Variants in NCOA2 observed in about 807,000 individuals in gnomAD.
NCOA2 encodes nuclear receptor coactivator 2, also known as class E basic helix-loop-helix protein 75.
Under a neutral mutation model 145.1 loss-of-function variants are expected in NCOA2, and 21 were observed. The ratio of observed to expected loss-of-function variants is 0.14; its 90% CI spans 0.10 to 0.21. The LOEUF is 0.21. Ranked by LOEUF, NCOA2 falls within the 10% of genes least tolerant of loss-of-function variation. The pLI is 1.00. For missense variants in NCOA2, 1,472 were observed against 1,837.6 expected (o/e 0.80, Z 3.64); for synonymous variants, 619 against 637.5 (o/e 0.97, Z 0.44).
intron 13 of NCOA2, 22 bp downstream of exon 13, chr8:70,144,620 A>T: frequency 1.3e-6 from 2 of 1,583,380 alleles, no homozygotes; most frequent in Non-Finnish European, 1.7e-6. Flanking sequence ...CCAATAAAGT[A>T]ACAGTGCATT....
intron 9 of NCOA2, 70 bp from the exon 10 acceptor site, chr8:70,159,722 T>G (rs561366894): frequency 7.5e-7 from 1 of 1,341,116 alleles, no homozygotes; most frequent in South Asian, 1.4e-5. Flanking sequence ...GGACAAGACA[T>G]AATAAGAGTA....
intron 13 of NCOA2, among the ~76,000 whole-genome samples, chr8:70,142,727 G>T (rs1810584318): frequency 6.6e-6 from 1 of 151,922 alleles, no homozygotes; most frequent in East Asian, 1.9e-4. Context: ...AAAGTTAGAA[G>T]GGTATTCTAT....
chr8:70,234,122 T>G (rs954759199), intron 2 of NCOA2, among the ~76,000 whole-genome samples: 10 of 152,230 alleles, frequency 6.6e-5, no homozygotes, highest in African/African-American at 2.4e-4. Context: ...ATATGTGACC[T>G]TCTATGTCTC....
At chr8:70,146,175 G>C (rs977489119) in intron 12 of NCOA2, among the ~76,000 whole-genome samples, 4 of 152,192 alleles carry the variant, frequency 2.6e-5, no homozygotes. Context: ...AAAATTTTAA[G>C]TGTGAACTCT....
At chr8:70,307,208 T>C (rs1464874778) in intron 1 of NCOA2, among the ~76,000 whole-genome samples, 1 of 116,184 alleles carries the variant, frequency 8.6e-6, no homozygotes, top group Non-Finnish European at 1.7e-5. Context: ...TTGGCTGTTG[T>C]ACCTACATAA....
chr8:70,155,628 G>A (rs774109412), intron 11 of NCOA2, among the ~76,000 whole-genome samples: 7 of 152,220 alleles, frequency 4.6e-5, no homozygotes, highest in Middle Eastern at 3.4e-3. Context: ...ATGTTTTATC[G>A]GAGCAAAGTC....
In NCOA2 at chr8:70,215,486, G is replaced by A. The variant is rs565141104; in HGVS notation, c.86+1174C>T. 4.6e-5 allele frequency among the ~76,000 whole-genome samples: 7 copies of A among 152,274 alleles called. No individual in the cohort carries two copies. In the South Asian group the frequency reaches 1.2e-3, roughly 27 times the overall value. On this transcript the variant is annotated intron_variant, in intron 3 of 22. Transcript: ENST00000452400. The stretch of plus-strand genomic sequence containing the variant: ...AGTAGGGAACCTAGAGGAGCTGGGG[G>A]CTGGGATGTAGAGAGTGGAGATTTA...
chr8:70,153,619 G>T (rs1194859846), intron 11 of NCOA2, among the ~76,000 whole-genome samples: 3 of 152,178 alleles, frequency 2.0e-5, no homozygotes, highest in East Asian at 3.8e-4. Flanking sequence ...CCTCCAGCAT[G>T]TGTCAAGAGA....
intron 1 of NCOA2, among the ~76,000 whole-genome samples, chr8:70,300,846 T>TA (rs2135822923): frequency 6.6e-6 from 1 of 152,320 alleles, no homozygotes; most frequent in East Asian, 1.9e-4. Context: ...ATTGAATGCT[T>TA]ATTCTGTGAG....
At chr8:70,422,727 C>A in the NCOA2 span, among the ~76,000 whole-genome samples, 2 of 152,122 alleles carry the variant, frequency 1.3e-5, no homozygotes, top group African/African-American at 4.8e-5. Context: ...AAAAAAAGTT[C>A]ATGAGCTTTT....
intron 7 of NCOA2, 70 bp downstream of exon 7, chr8:70,166,496 T>G: frequency 6.6e-7 from 1 of 1,525,788 alleles, no homozygotes; most frequent in Non-Finnish European, 9.1e-7. Context: ...GACCACTAAT[T>G]AAAGTGTGAA....
chr8:70,161,676 A>G (rs1252435326), intron 9 of NCOA2, among the ~76,000 whole-genome samples: 2 of 152,188 alleles, frequency 1.3e-5, no homozygotes, highest in Non-Finnish European at 2.9e-5. Context: ...CTGAAACTCC[A>G]TTTTCAATAA....
At position 70,111,559 on chromosome 8, in the gene NCOA2, G is replaced by A. The variant is rs1393315950; in HGVS notation, c.*2073C>T. ...GGGGATATATGAACTGGTGGCCACT[G>A]AGAAGTGTTGTTCCTTGGCCACCTC... On this transcript the variant is annotated 3_prime_UTR_variant, in exon 23 of 23. Transcript: ENST00000452400. 2 of 216,600 alleles carry A rather than the reference G, an allele frequency of 9.2e-6. No individual in the cohort carries two copies. The highest frequency in any genetic ancestry group is 1.9e-5 in the Non-Finnish European group (2 of 107,674). 13.4% of individuals were successfully genotyped at this position (216,600 alleles called of 1,614,324 possible).
chr8:70,373,661 T>G (rs559264925), intron 1 of NCOA2, among the ~76,000 whole-genome samples: 1 of 152,318 alleles, frequency 6.6e-6, no homozygotes, highest in Non-Finnish European at 1.5e-5. Flanking sequence ...TTTAAAACTT[T>G]CATAGTTTTA....
chr8:70,258,997 C>G (rs549512683), intron 2 of NCOA2, among the ~76,000 whole-genome samples: 2 of 152,338 alleles, frequency 1.3e-5, no homozygotes, highest in African/African-American at 4.8e-5. Flanking sequence ...GTATGGTGCA[C>G]GTTCCAACCA....
At chr8:70,180,056 C>G (rs1815299946) in intron 4 of NCOA2, among the ~76,000 whole-genome samples, 1 of 152,210 alleles carries the variant, frequency 6.6e-6, no homozygotes, top group African/African-American at 2.4e-5. Flanking sequence ...GCTGGGATTA[C>G]AGGCATGAAC....
chr8:70,117,748 C>T (rs906956534), intron 22 of NCOA2, among the ~76,000 whole-genome samples: 10 of 152,264 alleles, frequency 6.6e-5, no homozygotes, highest in African/African-American at 2.4e-4. Flanking sequence ...AGACCTTGAT[C>T]GAGTCATTAA....
At chr8:70,204,307 G>T (rs1014863568) in intron 4 of NCOA2, among the ~76,000 whole-genome samples, 2 of 151,910 alleles carry the variant, frequency 1.3e-5, no homozygotes, top group Non-Finnish European at 2.9e-5. Flanking sequence ...CATGACCGGC[G>T]AATAGGATTT....
intron 1 of NCOA2, among the ~76,000 whole-genome samples, chr8:70,384,219 T>A (rs994842312): frequency 1.3e-5 from 2 of 151,924 alleles, no homozygotes; most frequent in African/African-American, 2.4e-5. Flanking sequence ...GTGATTCAAG[T>A]GGTTTTGAAG....
Sources: gnomAD v4.1 joint callset for allele counts (sites outside exome capture counted in the v4.1 genomes callset) on GRCh38, gnomAD v4.1.1 for gene constraint, MANE v1.5 for transcripts, NCBI Gene and HGNC (gene_info 2026-07-23, HGNC 2026-07-21) for gene names.